Variants in CCDC60 observed in about 807,000 individuals in gnomAD.
The protein encoded by CCDC60 is coiled-coil domain-containing protein 60.
Under a neutral mutation model 63.5 loss-of-function variants are expected in CCDC60, and 54 were observed. That is an observed-to-expected ratio of 0.85 (90% CI 0.68 to 1.07). CCDC60 has a LOEUF of 1.07. CCDC60 is among the 50% of genes least tolerant of loss of function. The pLI, the probability that CCDC60 is intolerant of heterozygous loss-of-function variation, is 0.00. For synonymous variants in CCDC60, 206 were observed against 238.8 expected, an observed-to-expected ratio of 0.86 and a Z score of 1.27; for missense variants, 651 against 684.3, an observed-to-expected ratio of 0.95 and a Z score of 0.54.
chr12:119,349,801 A>C (rs1380961028), intron 1 of CCDC60, among the ~76,000 whole-genome samples: 2 of 152,166 alleles, frequency 1.3e-5, no homozygotes, highest in Non-Finnish European at 2.9e-5. Context: ...TACCCTGTTC[A>C]TTGAATGAAG....
chr12:119,528,326 C>T (rs916854636), intron 11 of CCDC60, among the ~76,000 whole-genome samples: 7 of 151,980 alleles, frequency 4.6e-5, no homozygotes, highest in African/African-American at 1.7e-4. Context: ...CATTATTATT[C>T]CCCATCTTAG....
chr12:119,502,823 C>T (rs889985233), intron 6 of CCDC60, among the ~76,000 whole-genome samples: 5 of 152,144 alleles, frequency 3.3e-5, no homozygotes, highest in Admixed American at 2.6e-4. Context: ...CTCCAGTGCT[C>T]ACTGCAAGAT....
intron 1 of CCDC60, among the ~76,000 whole-genome samples, chr12:119,346,835 T>TCTTTCTTTC (rs1555230504): frequency 2.8e-5 from 4 of 144,034 alleles, no homozygotes; most frequent in Admixed American, 1.4e-4. Flanking sequence ...TTTCTTTCTT[T>TCTTTCTTTC]TTTTTTTGAG....
At chr12:119,477,708 G>C (rs1951205643) in intron 3 of CCDC60, among the ~76,000 whole-genome samples, 2 of 152,330 alleles carry the variant, frequency 1.3e-5, no homozygotes, top group Admixed American at 6.5e-5. Context: ...CAGAGAGTGA[G>C]AACAGGGATG....
rs1593042562 is a variant in CCDC60 at position 119,407,239 on chromosome 12, G to A, written c.91-21444G>A. Among the ~76,000 whole-genome samples, 3 of 152,080 alleles carry A rather than the reference G, an allele frequency of 2.0e-5. No homozygotes were observed. The East Asian group carries it at 5.8e-4, about 29-fold the overall frequency. On this transcript the variant is annotated intron_variant, in intron 1 of 13. Transcript: ENST00000327554. ...ATGATGTATCTGGCCAGGCACTGTG[G>A]CTCACACCTATAATCCCAGCACTTT...
chr12:119,344,186 A>G (rs1385160010), intron 1 of CCDC60, among the ~76,000 whole-genome samples: 1 of 152,044 alleles, frequency 6.6e-6, no homozygotes, highest in Non-Finnish European at 1.5e-5. Flanking sequence ...ACCTCTCCCT[A>G]TTAGATGACA....
At chr12:119,470,582 G>T (rs1261480531) in intron 2 of CCDC60, among the ~76,000 whole-genome samples, 6 of 152,212 alleles carry the variant, frequency 3.9e-5, no homozygotes, top group African/African-American at 1.4e-4. Flanking sequence ...GCTCGTCTTA[G>T]CAAATAAGCA....
chr12:119,495,629 A>G (rs544396627), intron 5 of CCDC60, among the ~76,000 whole-genome samples: 37 of 152,280 alleles, frequency 2.4e-4, no homozygotes, highest in African/African-American at 7.9e-4. Flanking sequence ...AGCACTCATA[A>G]TAGCATTTTT....
chr12:119,534,554 G>T (rs764089187), intron 13 of CCDC60, among the ~76,000 whole-genome samples: 4 of 152,094 alleles, frequency 2.6e-5, no homozygotes, highest in African/African-American at 4.8e-5. Context: ...CTGTGGGTTT[G>T]TCATAAATAG....
chr12:119,455,952 A>C, intron 2 of CCDC60, among the ~76,000 whole-genome samples: 1 of 129,452 alleles, frequency 7.7e-6, no homozygotes, highest in East Asian at 2.7e-4. Flanking sequence ...AGAGAAAGGA[A>C]GGAAGGAGGG....
At chr12:119,522,867 T>C in intron 9 of CCDC60, 72 bp from the exon 10 acceptor site, 1 of 1,353,216 alleles carries the variant, frequency 7.4e-7, no homozygotes, top group Admixed American at 1.7e-5. Context: ...GCAGGTGCCA[T>C]GGAGCACTGG....
chr12:119,343,509 G>A (rs1057329063), intron 1 of CCDC60, among the ~76,000 whole-genome samples: 8 of 151,940 alleles, frequency 5.3e-5, no homozygotes, highest in Non-Finnish European at 1.2e-4. Context: ...GGTATATATT[G>A]AGCACCTACC....
At chr12:119,494,922 G>A (rs914567226) in intron 5 of CCDC60, among the ~76,000 whole-genome samples, 1 of 152,128 alleles carries the variant, frequency 6.6e-6, no homozygotes, top group Non-Finnish European at 1.5e-5. Context: ...TGGAAGTTGC[G>A]GTGAGCCGAG....
At chr12:119,505,733 G>A (rs1951980826) in intron 7 of CCDC60, among the ~76,000 whole-genome samples, 1 of 152,158 alleles carries the variant, frequency 6.6e-6, no homozygotes, top group Non-Finnish European at 1.5e-5. Context: ...GCACACATCT[G>A]TAGTCCAAGC....
chr12:119,366,736 G>T (rs1269372849), intron 1 of CCDC60, among the ~76,000 whole-genome samples: 1 of 152,338 alleles, frequency 6.6e-6, no homozygotes, highest in East Asian at 1.9e-4. Flanking sequence ...CTCTTAGAAT[G>T]AGTACAGCCT....
At chr12:119,444,659 C>CA (rs768697390) in intron 2 of CCDC60, among the ~76,000 whole-genome samples, 47 of 152,334 alleles carry the variant, frequency 3.1e-4, no homozygotes, top group African/African-American at 7.0e-4. Flanking sequence ...TGGCGCTGTA[C>CA]AAAAACAGGT....
chr12:119,360,477 G>T lies in CCDC60; in HGVS notation c.90+25211G>T, dbSNP rs1304581688. ...AGACGGGGTGGCTGCCGGGCGGAGAGGCTCCTCACTTCTCAGATGGGGCGG... is the reference window on the plus strand; with the variant it reads ...AGACGGGGTGGCTGCCGGGCGGAGATGCTCCTCACTTCTCAGATGGGGCGG... On this transcript the variant is annotated intron_variant, in intron 1 of 13. Transcript: ENST00000327554. 2.1e-5 allele frequency among the ~76,000 whole-genome samples: 3 copies of T among 144,108 alleles called. No homozygotes were observed. In the East Asian group the frequency reaches 6.4e-4, roughly 31 times the overall value. The allele number at this position is 144,108 out of a possible 152,430, so 94.5% of individuals were successfully genotyped here.
At chr12:119,414,353 G>T (rs992704288) in intron 1 of CCDC60, among the ~76,000 whole-genome samples, 1 of 151,926 alleles carries the variant, frequency 6.6e-6, no homozygotes, top group Non-Finnish European at 1.5e-5. Flanking sequence ...CATCCTCACT[G>T]TGTGTCTCCC....
chr12:119,516,499 T>C (rs2136473363), intron 7 of CCDC60, 124 bp from the exon 8 acceptor site: 1 of 637,826 alleles, frequency 1.6e-6, no homozygotes, highest in South Asian at 2.0e-5. Context: ...CAGTGGAATC[T>C]CTCTCCAGAT....
Sources: allele counts gnomAD v4.1 joint callset (sites outside exome capture counted in the v4.1 genomes callset), GRCh38; gene constraint gnomAD v4.1.1; transcripts MANE v1.5; gene names NCBI Gene and HGNC (gene_info 2026-07-23, HGNC 2026-07-21).